ANO7: variants seen among roughly 807,000 people sequenced by gnomAD.
ANO7 encodes the protein anoctamin-7.
ANO7 carries 114 observed loss-of-function variants against 115.8 expected under a neutral mutation model. The ratio of observed to expected loss-of-function variants is 0.98; its 90% confidence interval spans 0.85 to 1.15. The LOEUF is 1.15. ANO7 is among the 50% of genes most tolerant of loss of function. The pLI, the probability that ANO7 is intolerant of heterozygous loss-of-function variation, is 0.00. For synonymous variants in ANO7, 550 were observed against 498.2 expected, an observed-to-expected ratio of 1.10 and a Z score of -1.38; for missense variants, 1,302 against 1,201.2, an observed-to-expected ratio of 1.08 and a Z score of -1.24.
chr2:241,199,396 A>G lies in ANO7; in HGVS notation c.390A>G (p.Glu130=), dbSNP rs775619985. 11 of 1,613,712 alleles carry G rather than the reference A, an allele frequency of 6.8e-6. No individual in the cohort carries two copies. Among genetic ancestry groups the G allele is most frequent in the Non-Finnish European group, 9.3e-6 (11 of 1,180,030 alleles). ...GGGCTGTGCTCTGCTACTACGCCGA[A>G]GACCTGCGCCTGAAGCTGCCCTTGC... ...ASWAVLCYYA[E]DLRLKLPLQE... Residue 130 remains glutamate, a synonymous_variant, in exon 5 of 25, where the codon GAA becomes GAG. Coordinates refer to ENST00000674324, the MANE Select transcript of ANO7 (RefSeq NM_001370694.2).
intron 7 of ANO7, among the ~76,000 whole-genome samples, chr2:241,201,925 C>T (rs1193283367): frequency 6.6e-6 from 1 of 152,238 alleles, no homozygotes; most frequent in African/African-American, 2.4e-5. Flanking sequence ...GCTTCAGGTG[C>T]AGACTCGACT....
intron 8 of ANO7, 31 bp downstream of exon 8, chr2:241,202,335 G>T: frequency 6.3e-7 from 1 of 1,593,854 alleles, no homozygotes; most frequent in Non-Finnish European, 8.6e-7. Flanking sequence ...CTCCAGCCTG[G>T]GTATGGGAGA....
the ANO7 span, among the ~76,000 whole-genome samples, chr2:241,232,269 C>A: frequency 1.3e-5 from 2 of 148,398 alleles, no homozygotes; most frequent in South Asian, 2.2e-4. Context: ...AATTGCTAAA[C>A]AATGACTTTT....
intron 11 of ANO7, among the ~76,000 whole-genome samples, chr2:241,209,064 G>A (rs1225079623): frequency 1.3e-5 from 2 of 152,234 alleles, no homozygotes; most frequent in Non-Finnish European, 2.9e-5. Flanking sequence ...CAGGAGAATG[G>A]CGTGAACCCG....
downstream of ANO7, among the ~76,000 whole-genome samples, chr2:241,230,510 C>T (rs757484265): frequency 6.6e-6 from 1 of 152,244 alleles, no homozygotes; most frequent in African/African-American, 2.4e-5. The surrounding 1 kb of genome is among the most constrained non-coding windows in gnomAD (Gnocchi z 5.0). Flanking sequence ...GAAATTCCCA[C>T]CCACAGAGGA....
intron 15 of ANO7, 42 bp from the exon 16 acceptor site, chr2:241,212,052 G>T (rs867156701): frequency 6.4e-7 from 1 of 1,568,952 alleles, no homozygotes; most frequent in Non-Finnish European, 8.8e-7. Flanking sequence ...TTGGATGCTG[G>T]TGACTCCCCC....
At chr2:241,214,260 C>T (rs2068773970) in intron 17 of ANO7, among the ~76,000 whole-genome samples, 1 of 152,174 alleles carries the variant, frequency 6.6e-6, no homozygotes. Flanking sequence ...TGAAAACGCT[C>T]AGGGCTACGC....
the ANO7 span, among the ~76,000 whole-genome samples, chr2:241,239,248 G>A: frequency 6.6e-6 from 1 of 152,204 alleles, no homozygotes; most frequent in Non-Finnish European, 1.5e-5. This position sits in a 1 kb window ranked among gnomAD's most constrained non-coding sequence, Gnocchi z 4.6. Flanking sequence ...TCACAGAGGG[G>A]AGAAGAGAGC....
At chr2:241,238,734 G>C in the ANO7 span, 1 of 1,581,394 alleles carries the variant, frequency 6.3e-7, no homozygotes, top group Non-Finnish European at 8.7e-7. This position sits in a 1 kb window ranked among gnomAD's most constrained non-coding sequence, Gnocchi z 4.9. Context: ...TGGGGCCCAT[G>C]ACAGATCGAT....
In ANO7 at chr2:241,208,447, C is replaced by T. The variant is rs773219158; in HGVS notation, c.1077+777C>T. Among the ~76,000 whole-genome samples the T allele has an allele frequency of 7.9e-5, 12 of 152,218 alleles. No individual in the cohort carries two copies. In the South Asian group the frequency reaches 8.3e-4, roughly 11 times the overall value. On this transcript the variant is annotated intron_variant, in intron 11 of 24. Coordinates refer to ENST00000674324, the MANE Select transcript of ANO7 (RefSeq NM_001370694.2). ...TCTGCTTCCATCTCCACCTGGCCTTCCCTTCTGTGTCTGCGTGCTGGTTCC... is the reference window on the plus strand; with the variant it reads ...TCTGCTTCCATCTCCACCTGGCCTTTCCTTCTGTGTCTGCGTGCTGGTTCC...
In ANO7 at chr2:241,223,989, G is replaced by C. The variant is rs1030297752; in HGVS notation, c.2583+34G>C. 7 of 1,613,728 alleles carry C rather than the reference G, an allele frequency of 4.3e-6. No homozygotes were observed. In the African/African-American group the frequency reaches 8.0e-5, roughly 18 times the overall value. On this transcript the variant is annotated intron_variant, in intron 24 of 24. Transcript: ENST00000674324. ...GGGAGCAGCCAGGCCCCTGCCCCGT[G>C]CACTCCCTGAGGTCACAGGGCCCTG...
intron 4 of ANO7, 21 bp from the exon 5 acceptor site, chr2:241,199,295 C>G: frequency 6.2e-7 from 1 of 1,605,300 alleles, no homozygotes. Flanking sequence ...CAGGCTCTCA[C>G]GGAGCCCTGG....
chr2:241,204,929 C>T lies in ANO7; in HGVS notation c.954C>T (p.Cys318=), dbSNP rs760790183. The T allele has an allele frequency of 1.2e-6, 2 of 1,614,076 alleles. No individual in the cohort carries two copies. The highest frequency in any genetic ancestry group is 1.7e-6 in the Non-Finnish European group (2 of 1,179,966). ...VVGTLVFLVG[C]FLVFSDIPTQ... ...GCACACTGGTGTTCCTGGTGGGCTG[C>T]TTCCTGGTGTTCTCAGACATACCCA... is the stretch of plus-strand genomic sequence containing the variant. The change falls in exon 10 of 25, where the codon TGC becomes TGT. Residue 318 remains cysteine (C), a synonymous_variant. Transcript: ENST00000674324.
At chr2:241,235,382 C>A in the ANO7 span, 1 of 1,489,992 alleles carries the variant, frequency 6.7e-7, no homozygotes, top group East Asian at 2.3e-5. Flanking sequence ...GTGCCCAGTC[C>A]GAGCAGGAGG....
At chr2:241,195,934 G>C (rs750805724) in intron 4 of ANO7, 89 bp downstream of exon 4, 1 of 1,611,200 alleles carries the variant, frequency 6.2e-7, no homozygotes, top group Admixed American at 1.7e-5. Context: ...AGGGCATGGT[G>C]TCCAGAGTCC....
downstream of ANO7, chr2:241,228,907 C>T (rs1360355807): frequency 6.5e-6 from 1 of 152,816 alleles, no homozygotes; most frequent in Non-Finnish European, 1.5e-5. Context: ...TGCCTCCAGG[C>T]TCCACTCACC....
At chr2:241,209,092 T>G (rs1574780370) in intron 11 of ANO7, among the ~76,000 whole-genome samples, 193 bp from the exon 12 acceptor site, 1 of 152,218 alleles carries the variant, frequency 6.6e-6, no homozygotes, top group South Asian at 2.1e-4. Context: ...AAGCGTGCAG[T>G]GAGCCGAGAT....
At chr2:241,234,272 C>T in the ANO7 span, among the ~76,000 whole-genome samples, 1,162 of 152,232 alleles carry the variant, frequency 7.6e-3, 7 homozygotes, top group African/African-American at 0.025. Flanking sequence ...CTTGGGGCCC[C>T]GCTCTCCTCA....
the ANO7 span, chr2:241,236,775 G>C: frequency 6.2e-7 from 1 of 1,613,678 alleles, no homozygotes; most frequent in Non-Finnish European, 8.5e-7. Context: ...GTGAACTAGA[G>C]AGAAAGGGGA....
Sources: gnomAD v4.1 joint callset for allele counts (sites outside exome capture counted in the v4.1 genomes callset) on GRCh38, gnomAD v4.1.1 for gene constraint, Gnocchi (gnomAD v3.1) non-coding constraint, MANE v1.5 for transcripts, NCBI Gene and HGNC (gene_info 2026-07-23, HGNC 2026-07-21) for gene names.